The following TMIGD1 variants were observed in gnomAD, a reference collection of about 807,000 sequenced individuals.
TMIGD1 encodes transmembrane and immunoglobulin domain-containing protein 1.
In TMIGD1, 29 loss-of-function variants were observed where a neutral mutation model predicts 27.5. The ratio of observed to expected loss-of-function variants is 1.05; its 90% CI spans 0.78 to 1.44. The LOEUF (loss-of-function observed/expected upper bound fraction) is 1.44. Ranked by LOEUF, TMIGD1 falls within the 40% of genes most tolerant of loss-of-function variation. TMIGD1 has a pLI of 0.00. For synonymous variants in TMIGD1, 109 were observed against 110.3 expected, an observed-to-expected ratio of 0.99 and a Z score of 0.07; for missense variants, 334 against 310.6, an observed-to-expected ratio of 1.08 and a Z score of -0.57.
rs755886660 is a variant in TMIGD1 at position 30,332,040 on chromosome 17, A to T, written c.82+12T>A. 6.3e-7 allele frequency: 1 copy of T among 1,590,616 alleles called. No homozygotes were observed. Among genetic ancestry groups the T allele is most frequent in the South Asian group, 1.1e-5 (1 of 88,800 alleles). Reference sequence around the variant, plus strand: ...TTTATCTAAAAAGAGGCCAAAAAGAACTTTAACTTACTTGTCATCTCACGT... The same window carrying T: ...TTTATCTAAAAAGAGGCCAAAAAGATCTTTAACTTACTTGTCATCTCACGT... On this transcript the variant is annotated intron_variant, in intron 2 of 6. Coordinates refer to ENST00000328886, the MANE Select transcript of TMIGD1 (RefSeq NM_206832.3).
intron 5 of TMIGD1, among the ~76,000 whole-genome samples, chr17:30,317,943 C>G (rs1366798892): frequency 6.6e-6 from 1 of 151,838 alleles, no homozygotes; most frequent in African/African-American, 2.4e-5. Context: ...TGGTGCATGC[C>G]TGTGGTCCCA....
Position 30,325,036 on chromosome 17 carries a change from C to T in TMIGD1, c.420G>A (p.Lys140=). The change falls in exon 4 of 7, where the codon AAG becomes AAA. Residue 140 remains lysine (K), a synonymous_variant. Coordinates refer to ENST00000328886, the MANE Select transcript of TMIGD1 (RefSeq NM_206832.3). ...FQTVEEGSNV[K]LVCNVKANPQ... The stretch of plus-strand genomic sequence containing the variant: ...GGTTGGCTTTCACATTGCAAACCAA[C>T]TTCACATTACTGCCTTCCTCAACTG... 1 of 1,614,086 alleles carries T rather than the reference C, an allele frequency of 6.2e-7. No individual in the cohort carries two copies. The highest frequency in any genetic ancestry group is 1.1e-5 in the South Asian group (1 of 91,082).
At chr17:30,323,509 A>G (rs1048232402) in intron 4 of TMIGD1, among the ~76,000 whole-genome samples, 2 of 152,234 alleles carry the variant, frequency 1.3e-5, no homozygotes, top group Non-Finnish European at 2.9e-5. Flanking sequence ...GCAAGAAGAA[A>G]TAAGAAAAAC....
Position 30,318,796 on chromosome 17 carries a change from G to A in TMIGD1, c.744+14C>T, listed in dbSNP as rs981382783. 1.9e-6 allele frequency: 3 copies of A among 1,579,228 alleles called. No individual in the cohort carries two copies. In the African/African-American group the frequency reaches 4.0e-5, roughly 21 times the overall value. ...GATGGCTTTTTACTTAAATAGCTCA[G>A]AATACTTAGATACCTTCATTATTTT... On this transcript the variant is annotated intron_variant, in intron 5 of 6. Transcript: ENST00000328886.
intron 4 of TMIGD1, among the ~76,000 whole-genome samples, chr17:30,320,136 C>G (rs1369347352): frequency 1.3e-5 from 2 of 151,830 alleles, no homozygotes; most frequent in African/African-American, 4.8e-5. Flanking sequence ...CTCCCAGGTT[C>G]AAGTAATTCT....
At chr17:30,316,965 C>T in intron 6 of TMIGD1, 1 of 627,820 alleles carries the variant, frequency 1.6e-6, no homozygotes, top group South Asian at 1.9e-5. Flanking sequence ...ATTGGGCAAA[C>T]TCACTTAAAG....
chr17:30,316,629 T>C lies in TMIGD1; in HGVS notation c.*58A>G. On this transcript the variant is annotated 3_prime_UTR_variant, in exon 7 of 7. Transcript: ENST00000328886. ...AGCAATAAATACAGATGGGACTACA[T>C]AAATTGTGGAGGTCCTGATGCAAAA... 2 of 1,585,724 alleles carry C rather than the reference T, an allele frequency of 1.3e-6. No individual in the cohort carries two copies. Among genetic ancestry groups the C allele is most frequent in the Non-Finnish European group, 1.7e-6 (2 of 1,157,242 alleles).
chr17:30,328,876 A>C (rs903763409), intron 3 of TMIGD1, among the ~76,000 whole-genome samples: 2 of 151,472 alleles, frequency 1.3e-5, no homozygotes, highest in African/African-American at 4.9e-5. Context: ...AGGCAGGAGA[A>C]TCGCTTGAAC....
At chr17:30,323,255 G>T (rs1030348602) in intron 4 of TMIGD1, among the ~76,000 whole-genome samples, 1 of 152,092 alleles carries the variant, frequency 6.6e-6, no homozygotes, top group Non-Finnish European at 1.5e-5. Flanking sequence ...CCTGTTTTAT[G>T]GTCTCATTTG....
intron 4 of TMIGD1, among the ~76,000 whole-genome samples, chr17:30,320,295 C>G (rs575095298): frequency 2.6e-4 from 39 of 152,160 alleles, no homozygotes; most frequent in African/African-American, 5.1e-4. Flanking sequence ...CTTGGCCTCC[C>G]TAAGTGCTTG....
At chr17:30,332,759 T>C (rs138907861) in intron 1 of TMIGD1, among the ~76,000 whole-genome samples, 4 of 152,284 alleles carry the variant, frequency 2.6e-5, no homozygotes, top group Non-Finnish European at 2.9e-5. Flanking sequence ...TTCTCCCTTC[T>C]TGCTTTTGCT....
At chr17:30,319,261 A>AAAAAAAAAAAAAAAAAATATATATAT in intron 4 of TMIGD1, among the ~76,000 whole-genome samples, 52 of 68,982 alleles carry the variant, frequency 7.5e-4, no homozygotes, top group African/African-American at 2.6e-3. Context: ...AAAAAAAAAA[A>AAAAAAAAAAAAAAAAAATATATATAT]ATATATATAT....
chr17:30,316,777 G>T, intron 6 of TMIGD1, 87 bp from the exon 7 acceptor site: 1 of 1,277,884 alleles, frequency 7.8e-7, no homozygotes. Flanking sequence ...CTGACAACAT[G>T]CCTTTGTTCT....
intron 6 of TMIGD1, 124 bp from the exon 7 acceptor site, chr17:30,316,814 G>T: frequency 2.3e-6 from 2 of 852,472 alleles, no homozygotes; most frequent in South Asian, 3.2e-5. Context: ...CTTCACATAT[G>T]CTAGAAGCGC....
chr17:30,318,230 A>G (rs1909484607), intron 5 of TMIGD1, among the ~76,000 whole-genome samples: 1 of 152,196 alleles, frequency 6.6e-6, no homozygotes, highest in African/African-American at 2.4e-5. Context: ...CCCCTTGCTG[A>G]ATGATGAACT....
intron 1 of TMIGD1, among the ~76,000 whole-genome samples, chr17:30,333,419 C>T (rs973640057): frequency 5.9e-5 from 9 of 151,274 alleles, no homozygotes; most frequent in Admixed American, 2.6e-4. Context: ...CCAGCCTGGG[C>T]GACAGAGTGA....
chr17:30,321,757 T>C (rs1177655896), intron 4 of TMIGD1, among the ~76,000 whole-genome samples: 1 of 152,220 alleles, frequency 6.6e-6, no homozygotes, highest in African/African-American at 2.4e-5. Context: ...GCCCAATCCC[T>C]ATATACCTTA....
chr17:30,333,052 C>T (rs1910033355), intron 1 of TMIGD1, among the ~76,000 whole-genome samples: 1 of 152,060 alleles, frequency 6.6e-6, no homozygotes, highest in African/African-American at 2.4e-5. Context: ...ACCCAGACTC[C>T]CAAGACCATG....
At chr17:30,333,049 C>T (rs770365230) in intron 1 of TMIGD1, among the ~76,000 whole-genome samples, 3 of 152,236 alleles carry the variant, frequency 2.0e-5, no homozygotes, top group South Asian at 4.1e-4. Flanking sequence ...TGAACCCAGA[C>T]TCCCAAGACC....
Sources: allele counts gnomAD v4.1 joint callset (sites outside exome capture counted in the v4.1 genomes callset), GRCh38; gene constraint gnomAD v4.1.1; transcripts MANE v1.5; gene names NCBI Gene and HGNC (gene_info 2026-07-23, HGNC 2026-07-21).